Variants in RYR2 observed in about 807,000 individuals in gnomAD.
The protein encoded by RYR2 is ryanodine receptor 2, also known as cardiac muscle ryanodine receptor-calcium release channel.
In RYR2, 227 loss-of-function variants were observed where a neutral mutation model predicts 601.1. That is an observed-to-expected ratio of 0.38 (90% CI 0.34 to 0.42). The LOEUF (loss-of-function observed/expected upper bound fraction) is 0.42. Ranked by LOEUF, RYR2 falls within the 10% of genes least tolerant of loss-of-function variation. The probability of loss-of-function intolerance (pLI) is 1.00; values close to 1 mark genes in which losing one functional copy is unlikely to be tolerated. For missense variants in RYR2, 4,646 were observed against 6,156.5 expected (o/e 0.75, Z 8.21); for synonymous variants, 2,223 against 2,175.1 (o/e 1.02, Z -0.61).
chr1:237,353,379 G>A (rs949185243), intron 3 of RYR2, among the ~76,000 whole-genome samples: 3 of 151,744 alleles, frequency 2.0e-5, no homozygotes, highest in Non-Finnish European at 4.4e-5. Context: ...TGTGGTGGCG[G>A]GCACCTGTAA....
chr1:237,484,681 T>G (rs541730863), intron 17 of RYR2, among the ~76,000 whole-genome samples: 7 of 152,344 alleles, frequency 4.6e-5, no homozygotes, highest in African/African-American at 1.7e-4. Context: ...GCCTGAGTTG[T>G]GACCTGTGAA....
intron 68 of RYR2, among the ~76,000 whole-genome samples, chr1:237,707,867 G>A (rs182980993): frequency 2.6e-5 from 4 of 152,104 alleles, no homozygotes; most frequent in Admixed American, 1.3e-4. Context: ...CGCCTCCCGG[G>A]TTCAAGTGAT....
chr1:237,203,755 T>C (rs900057078), intron 1 of RYR2, among the ~76,000 whole-genome samples: 14 of 152,138 alleles, frequency 9.2e-5, no homozygotes, highest in Non-Finnish European at 1.6e-4. Context: ...AATGGACAAT[T>C]TGATGATTTT....
intron 78 of RYR2, among the ~76,000 whole-genome samples, chr1:237,733,070 T>C (rs1044274562): frequency 6.6e-6 from 1 of 152,174 alleles, no homozygotes; most frequent in African/African-American, 2.4e-5. Context: ...TTCCTAAGCA[T>C]AGAGCAACTC....
chr1:237,061,257 T>TATCTATCTATC (rs1558163673), intron 1 of RYR2, among the ~76,000 whole-genome samples: 26 of 138,484 alleles, frequency 1.9e-4, no homozygotes, highest in African/African-American at 6.3e-4. Context: ...ATCTATCATC[T>TATCTATCTATC]ATCTATCTAT....
At chr1:237,216,976 GTA>G (rs1683256715) in intron 1 of RYR2, among the ~76,000 whole-genome samples, 1 of 152,156 alleles carries the variant, frequency 6.6e-6, no homozygotes, top group East Asian at 1.9e-4. Flanking sequence ...CTCCTCCAGG[GTA>G]CCTGAAATTT....
chr1:237,797,941 C>A, intron 96 of RYR2, 96 bp from the exon 97 acceptor site: 1 of 1,126,440 alleles, frequency 8.9e-7, no homozygotes, highest in Non-Finnish European at 1.3e-6. Context: ...GGCAAATATA[C>A]AGTAAGTATA....
At chr1:237,659,073 G>A (rs566608714) in intron 54 of RYR2, among the ~76,000 whole-genome samples, 22 of 152,258 alleles carry the variant, frequency 1.4e-4, no homozygotes, top group African/African-American at 4.8e-4. Context: ...TTGGTTTGGC[G>A]AAATGAAAAT....
chr1:237,647,883 G>C (rs1217343086), intron 48 of RYR2, among the ~76,000 whole-genome samples: 1 of 152,224 alleles, frequency 6.6e-6, no homozygotes, highest in Admixed American at 6.5e-5. Context: ...AAAGCTTTAA[G>C]TGTTGATAGA....
chr1:237,565,175 CTTTCTTTCTTTCTTTCTTTCTTT>C (rs1671892339), intron 27 of RYR2, among the ~76,000 whole-genome samples: 5 of 97,298 alleles, frequency 5.1e-5, no homozygotes, highest in African/African-American at 2.0e-4. Flanking sequence ...TTCTTTCTTT[CTTTCTTTCTTTCTTTCTTTCTTT>C]CTTTCTTTCT....
intron 6 of RYR2, among the ~76,000 whole-genome samples, chr1:237,373,309 G>A (rs981017614): frequency 1.3e-5 from 2 of 152,144 alleles, no homozygotes; most frequent in Admixed American, 6.5e-5. Context: ...GTCAGAATCA[G>A]AATCTGCAGG....
chr1:237,802,355 T>C (rs1399249259), intron 98 of RYR2: 2 of 152,676 alleles, frequency 1.3e-5, no homozygotes, highest in East Asian at 3.8e-4. Flanking sequence ...AGACTAAATA[T>C]AGGGCCGTAA....
chr1:237,751,629 A>G (rs964048951), intron 80 of RYR2, among the ~76,000 whole-genome samples: 1 of 152,248 alleles, frequency 6.6e-6, no homozygotes, highest in East Asian at 1.9e-4. Flanking sequence ...CACATTACAC[A>G]GTATATCTAA....
At chr1:237,285,389 T>A (rs932085417) in intron 2 of RYR2, among the ~76,000 whole-genome samples, 1 of 152,226 alleles carries the variant, frequency 6.6e-6, no homozygotes, top group African/African-American at 2.4e-5. Flanking sequence ...CACTTTATCA[T>A]GGTAGATTAT....
chr1:237,399,434 G>A (rs1703146706), intron 10 of RYR2, among the ~76,000 whole-genome samples: 1 of 152,104 alleles, frequency 6.6e-6, no homozygotes, highest in African/African-American at 2.4e-5. Context: ...CAACTTGAAG[G>A]AACTTTGTGG....
chr1:237,151,768 G>T (rs1266831678), intron 1 of RYR2, among the ~76,000 whole-genome samples: 1 of 152,180 alleles, frequency 6.6e-6, no homozygotes, highest in Non-Finnish European at 1.5e-5. Context: ...ATGGTGGTGG[G>T]CCAAGGACAG....
intron 84 of RYR2, among the ~76,000 whole-genome samples, chr1:237,763,074 T>C (rs1693557819): frequency 6.6e-6 from 1 of 152,250 alleles, no homozygotes; most frequent in Non-Finnish European, 1.5e-5. Context: ...CTGTTATTTT[T>C]TACATTTACA....
chr1:237,525,004 T>C (rs1304969066), intron 24 of RYR2, among the ~76,000 whole-genome samples: 3 of 152,084 alleles, frequency 2.0e-5, no homozygotes, highest in Non-Finnish European at 4.4e-5. Context: ...TACATAGGAA[T>C]TTACCTATGT....
chr1:237,355,642 T>A (rs963592610), intron 3 of RYR2, among the ~76,000 whole-genome samples: 3 of 152,168 alleles, frequency 2.0e-5, no homozygotes, highest in African/African-American at 7.2e-5. Flanking sequence ...AGTTCTTAAA[T>A]CAGAAGGCCT....
Sources: gnomAD v4.1 joint callset for allele counts (sites outside exome capture counted in the v4.1 genomes callset) on GRCh38, gnomAD v4.1.1 for gene constraint, MANE v1.5 for transcripts, NCBI Gene and HGNC (gene_info 2026-07-23, HGNC 2026-07-21) for gene names.